The following ASB15 variants were observed in gnomAD, a reference collection of about 807,000 sequenced individuals.
ASB15 encodes ankyrin repeat and SOCS box containing 15.
A neutral mutation model predicts 58.0 loss-of-function variants in ASB15; 54 were observed. The observed-to-expected ratio is 0.93, with a 90% CI of 0.75 to 1.17. The LOEUF (loss-of-function observed/expected upper bound fraction) is 1.17. ASB15 is among the 50% of genes most tolerant of loss of function. The pLI is 0.00. For synonymous variants in ASB15, 249 were observed against 262.4 expected (o/e 0.95, Z 0.50); for missense variants, 680 against 707.4 (o/e 0.96, Z 0.44).
At chr7:123,616,925 A>G (rs925828793) in intron 6 of ASB15, among the ~76,000 whole-genome samples, 1 of 152,170 alleles carries the variant, frequency 6.6e-6, no homozygotes, top group Non-Finnish European at 1.5e-5. Flanking sequence ...TTTACATTAC[A>G]TTGATTTTTT....
At chr7:123,623,060 T>G (rs1801439920) in intron 7 of ASB15, 1 of 152,270 alleles carries the variant, frequency 6.6e-6, no homozygotes, top group Non-Finnish European at 1.5e-5. Flanking sequence ...CGTTTCCCAG[T>G]ACAGGCCCAG....
At chr7:123,591,969 A>G (rs1799551603) in intron 1 of ASB15, among the ~76,000 whole-genome samples, 1 of 152,120 alleles carries the variant, frequency 6.6e-6, no homozygotes, top group Admixed American at 6.5e-5. Flanking sequence ...TAATGCCTCA[A>G]TTTCAGGACC....
chr7:123,582,359 CAAAT>C (rs1799260016), intron 1 of ASB15, among the ~76,000 whole-genome samples: 1 of 152,026 alleles, frequency 6.6e-6, no homozygotes, highest in East Asian at 1.9e-4. Flanking sequence ...GAGATTCTGA[CAAAT>C]AACACCACTA....
At chr7:123,622,180 G>C (rs1056007679) in intron 7 of ASB15, among the ~76,000 whole-genome samples, 2 of 151,922 alleles carry the variant, frequency 1.3e-5, no homozygotes, top group African/African-American at 4.8e-5. Flanking sequence ...CATTACTATT[G>C]AAGCTATACA....
intron 1 of ASB15, among the ~76,000 whole-genome samples, chr7:123,603,454 G>A (rs1799984118): frequency 6.6e-6 from 1 of 152,024 alleles, no homozygotes; most frequent in African/African-American, 2.4e-5. Context: ...CCTTGATGAT[G>A]GTCTTATTAT....
At chr7:123,574,781 C>T (rs805779) in intron 1 of ASB15, among the ~76,000 whole-genome samples, 110,387 of 151,926 alleles carry the variant, frequency 0.73, 40,248 homozygotes, top group African/African-American at 0.8. Flanking sequence ...GAGTGGATTA[C>T]TTTCTTATCT....
rs528255506 is a variant in ASB15, at chr7:123,619,403, G to A, written c.451+1666G>A. On this transcript the variant is annotated intron_variant, in intron 7 of 11. Transcript: ENST00000451215. Reference sequence around the variant, plus strand: ...AGTAAATCTGTAAAGACTTCAAAGAGCCTTGCTCTTGGAGATTGCCTTGAG... The same window carrying A: ...AGTAAATCTGTAAAGACTTCAAAGAACCTTGCTCTTGGAGATTGCCTTGAG... 3.3e-5 allele frequency among the ~76,000 whole-genome samples: 5 copies of A among 152,234 alleles called. No homozygotes were observed. The East Asian group carries it at 9.7e-4, about 29-fold the overall frequency.
chr7:123,584,803 A>G (rs2116331705), intron 1 of ASB15: 1 of 152,104 alleles, frequency 6.6e-6, no homozygotes, highest in African/African-American at 2.4e-5. Flanking sequence ...ACTTCAGTAA[A>G]ACTATGAAAC....
intron 3 of ASB15, chr7:123,612,231 T>C (rs2116486961): frequency 1.3e-5 from 2 of 152,326 alleles, no homozygotes; most frequent in Middle Eastern, 3.4e-3. Flanking sequence ...GGCTGACAGA[T>C]TCAGTACTTG....
At chr7:123,578,379 C>T (rs887289447) in intron 1 of ASB15, among the ~76,000 whole-genome samples, 2 of 151,814 alleles carry the variant, frequency 1.3e-5, no homozygotes, top group Admixed American at 1.3e-4. Flanking sequence ...AGTAATTTGC[C>T]TTGGCCTAAA....
intron 7 of ASB15, 130 bp downstream of exon 7, chr7:123,617,867 C>A: frequency 2.2e-6 from 2 of 889,716 alleles, no homozygotes; most frequent in Non-Finnish European, 3.3e-6. Flanking sequence ...GCCTAACCCC[C>A]ATGTCTTCTG....
intron 1 of ASB15, among the ~76,000 whole-genome samples, chr7:123,576,902 T>C (rs1479681713): frequency 6.6e-6 from 1 of 152,202 alleles, no homozygotes; most frequent in Non-Finnish European, 1.5e-5. Context: ...ATGTTTTCTA[T>C]TACTTTATTC....
At chr7:123,574,026 C>T (rs115061296) in intron 1 of ASB15, among the ~76,000 whole-genome samples, 2,964 of 152,142 alleles carry the variant, frequency 0.019, 91 homozygotes, top group African/African-American at 0.068. Flanking sequence ...ATACATGTTA[C>T]TCATTGAATT....
chr7:123,634,211 C>G (rs139235756), intron 11 of ASB15, among the ~76,000 whole-genome samples: 1 of 152,064 alleles, frequency 6.6e-6, no homozygotes, highest in Non-Finnish European at 1.5e-5. Flanking sequence ...GCCACCCCCC[C>G]GACAGGCCCC....
chr7:123,626,382 G>T (rs939444267), intron 8 of ASB15, among the ~76,000 whole-genome samples: 1 of 152,136 alleles, frequency 6.6e-6, no homozygotes, highest in Non-Finnish European at 1.5e-5. Flanking sequence ...TGAGGCAGAA[G>T]AACTGCTTAA....
At chr7:123,590,850 C>G (rs533445278) in intron 1 of ASB15, among the ~76,000 whole-genome samples, 2 of 152,190 alleles carry the variant, frequency 1.3e-5, no homozygotes, top group African/African-American at 4.8e-5. Flanking sequence ...GCAGTGGTAG[C>G]TTGATGGGGA....
At chr7:123,595,489 C>T (rs1046156881) in intron 1 of ASB15, among the ~76,000 whole-genome samples, 1 of 152,222 alleles carries the variant, frequency 6.6e-6, no homozygotes, top group East Asian at 1.9e-4. Flanking sequence ...CTGAAGGAAG[C>T]CTCCCCACTT....
chr7:123,609,610 G>A (rs577002381), intron 3 of ASB15, among the ~76,000 whole-genome samples: 1 of 152,306 alleles, frequency 6.6e-6, no homozygotes, highest in African/African-American at 2.4e-5. Context: ...GAGTGTGAGG[G>A]TAGGTGGGGA....
intron 1 of ASB15, among the ~76,000 whole-genome samples, chr7:123,591,705 GTTT>G (rs1799543973): frequency 1.3e-5 from 2 of 152,160 alleles, no homozygotes; most frequent in East Asian, 3.9e-4. Flanking sequence ...GTTTGCCAGT[GTTT>G]TACTGAGGAT....
Sources: gnomAD v4.1 joint callset for allele counts (sites outside exome capture counted in the v4.1 genomes callset) on GRCh38, gnomAD v4.1.1 for gene constraint, MANE v1.5 for transcripts, NCBI Gene and HGNC (gene_info 2026-07-23, HGNC 2026-07-21) for gene names.